Variants in XKR9 observed in about 807,000 individuals in gnomAD.
The protein encoded by XKR9 is XK related 9, also known as XK-related protein 9.
In XKR9, 32 loss-of-function variants were observed where a neutral mutation model predicts 32.0. The observed-to-expected ratio is 1.00, with a 90% confidence interval of 0.76 to 1.34. XKR9 has a LOEUF of 1.34. XKR9 is among the 40% of genes most tolerant of loss of function. XKR9 has a pLI of 0.00. For missense variants in XKR9, 546 were observed against 429.7 expected, an observed-to-expected ratio of 1.27 and a Z score of -2.39; for synonymous variants, 168 against 143.4, an observed-to-expected ratio of 1.17 and a Z score of -1.22.
chr8:70,736,065 T>C (rs1586875034), downstream of XKR9: 1 of 152,172 alleles, frequency 6.6e-6, no homozygotes, highest in African/African-American at 2.4e-5. Flanking sequence ...GTTGAACGAG[T>C]TTACAGTCCC....
chr8:70,796,278 T>A, the XKR9 span, among the ~76,000 whole-genome samples: 1 of 152,110 alleles, frequency 6.6e-6, no homozygotes, highest in African/African-American at 2.4e-5. Flanking sequence ...TGTACCAGAT[T>A]TTGAATTTTT....
the XKR9 span, among the ~76,000 whole-genome samples, chr8:70,899,463 C>T: frequency 8.0e-5 from 12 of 150,332 alleles, no homozygotes; most frequent in East Asian, 2.1e-3. Context: ...GATTTTGCTG[C>T]CTGTATCCAC....
chr8:71,027,803 C>T, the XKR9 span, among the ~76,000 whole-genome samples: 1 of 149,238 alleles, frequency 6.7e-6, no homozygotes, highest in Admixed American at 6.9e-5. Context: ...CTCACTCCGT[C>T]ATCCAGGCTG....
intron 4 of XKR9, among the ~76,000 whole-genome samples, chr8:70,733,116 G>C (rs1413341418): frequency 6.6e-6 from 1 of 152,100 alleles, no homozygotes; most frequent in Non-Finnish European, 1.5e-5. Context: ...CAAAAAGAAG[G>C]AAAGAAATAA....
At chr8:70,815,129 A>G in the XKR9 span, among the ~76,000 whole-genome samples, 3 of 152,262 alleles carry the variant, frequency 2.0e-5, no homozygotes, top group East Asian at 3.9e-4. Flanking sequence ...CTTATGGATC[A>G]GAAGAATTTT....
intron 3 of XKR9, among the ~76,000 whole-genome samples, chr8:70,686,911 G>T (rs1461197018): frequency 2.0e-5 from 3 of 151,992 alleles, no homozygotes; most frequent in African/African-American, 4.8e-5. Context: ...TCACATAAGG[G>T]TAATTGGGAT....
chr8:70,790,838 C>G (rs1299356230), downstream of XKR9, among the ~76,000 whole-genome samples: 14 of 152,000 alleles, frequency 9.2e-5, no homozygotes, highest in Non-Finnish European at 5.9e-5. Flanking sequence ...AGTTCTGGAA[C>G]TGGAAAATCA....
intron 3 of XKR9, among the ~76,000 whole-genome samples, chr8:70,687,543 A>T (rs1819345493): frequency 6.6e-6 from 1 of 151,460 alleles, no homozygotes; most frequent in East Asian, 1.9e-4. Context: ...CTAATTTTTT[A>T]TTTTTTTGTA....
intron 2 of XKR9, among the ~76,000 whole-genome samples, chr8:70,785,272 T>C (rs1195777584): frequency 6.6e-6 from 1 of 151,990 alleles, no homozygotes. Flanking sequence ...CAGTTTCTTT[T>C]AGTTTATCCA....
At chr8:70,904,297 C>T in the XKR9 span, among the ~76,000 whole-genome samples, 2 of 152,142 alleles carry the variant, frequency 1.3e-5, no homozygotes, top group Admixed American at 6.5e-5. Context: ...AATCTGGTTG[C>T]TCCTGTATTG....
chr8:71,025,850 C>T, the XKR9 span, among the ~76,000 whole-genome samples: 1 of 152,142 alleles, frequency 6.6e-6, no homozygotes, highest in Admixed American at 6.5e-5. Context: ...TTTTATTTTG[C>T]CTGCCCTCTC....
At chr8:70,720,968 CA>C (rs991537444) in intron 4 of XKR9, among the ~76,000 whole-genome samples, 36 of 152,284 alleles carry the variant, frequency 2.4e-4, no homozygotes, top group African/African-American at 8.4e-4. Context: ...ATTACTTCCT[CA>C]ATTTCAAAAC....
intron 4 of XKR9, among the ~76,000 whole-genome samples, chr8:70,724,300 G>T (rs1358076438): frequency 2.0e-5 from 3 of 152,108 alleles, no homozygotes; most frequent in Admixed American, 6.6e-5. Context: ...CAAGTCAGTG[G>T]TTCTTAGCTT....
At chr8:70,855,806 G>C in the XKR9 span, among the ~76,000 whole-genome samples, 9,283 of 152,154 alleles carry the variant, frequency 0.061, 214 homozygotes, top group Non-Finnish European at 0.086. Flanking sequence ...AGCCAGAAGA[G>C]AGTGGGGGCC....
At chr8:70,987,102 A>G in the XKR9 span, among the ~76,000 whole-genome samples, 8 of 152,170 alleles carry the variant, frequency 5.3e-5, no homozygotes, top group African/African-American at 1.7e-4. Flanking sequence ...CCCTCCCAAA[A>G]CACATGGAAT....
the XKR9 span, among the ~76,000 whole-genome samples, chr8:70,938,620 A>G: frequency 1.3e-5 from 2 of 152,046 alleles, no homozygotes; most frequent in Non-Finnish European, 2.9e-5. Context: ...GGGATTTAGG[A>G]TGTTGAAAGA....
chr8:70,726,008 TAAACTC>T (rs967568044), intron 4 of XKR9, among the ~76,000 whole-genome samples: 2 of 152,200 alleles, frequency 1.3e-5, no homozygotes, highest in African/African-American at 4.8e-5. Flanking sequence ...TCTACCCAGA[TAAACTC>T]AATCTAACTT....
chr8:70,828,740 A>G, the XKR9 span, among the ~76,000 whole-genome samples: 1 of 151,360 alleles, frequency 6.6e-6, no homozygotes, highest in Non-Finnish European at 1.5e-5. Flanking sequence ...GAAAAAAAAA[A>G]AAAAAAGAAA....
chr8:71,020,256 G>C, the XKR9 span, among the ~76,000 whole-genome samples: 1 of 152,168 alleles, frequency 6.6e-6, no homozygotes, highest in South Asian at 2.1e-4. Flanking sequence ...TGGAAATATG[G>C]AATTAATGAG....
Sources: allele counts gnomAD v4.1 joint callset (sites outside exome capture counted in the v4.1 genomes callset), GRCh38; gene constraint gnomAD v4.1.1; transcripts MANE v1.5; gene names NCBI Gene and HGNC (gene_info 2026-07-23, HGNC 2026-07-21).